RYR2: variants seen among roughly 807,000 people sequenced by gnomAD.
RYR2 encodes the protein ryanodine receptor 2, also known as cardiac muscle ryanodine receptor-calcium release channel.
A neutral mutation model predicts 601.1 loss-of-function variants in RYR2; 227 were observed. The ratio of observed to expected loss-of-function variants is 0.38; its 90% CI spans 0.34 to 0.42. The LOEUF (loss-of-function observed/expected upper bound fraction) is 0.42, where lower values mean the gene tolerates loss of function less well. Ranked by LOEUF, RYR2 falls within the 10% of genes least tolerant of loss-of-function variation. The pLI, the probability that RYR2 is intolerant of heterozygous loss-of-function variation, is 1.00. For synonymous variants in RYR2, 2,223 were observed against 2,175.1 expected (o/e 1.02, Z -0.61); for missense variants, 4,646 against 6,156.5 (o/e 0.75, Z 8.21).
chr1:237,535,470 G>A (rs1668512260), intron 25 of RYR2, among the ~76,000 whole-genome samples: 1 of 132,118 alleles, frequency 7.6e-6, no homozygotes, highest in African/African-American at 2.8e-5. Flanking sequence ...TAAAGGAATT[G>A]AATCAAACAC....
intron 2 of RYR2, among the ~76,000 whole-genome samples, chr1:237,303,805 G>C (rs1029543546): frequency 6.6e-6 from 1 of 152,082 alleles, no homozygotes; most frequent in African/African-American, 2.4e-5. Context: ...AATACATTTG[G>C]AGGATGCTTT....
At chr1:237,720,183 C>A (rs1689604317) in intron 73 of RYR2, among the ~76,000 whole-genome samples, 1 of 152,114 alleles carries the variant, frequency 6.6e-6, no homozygotes, top group South Asian at 2.1e-4. Context: ...AGTATTTTGA[C>A]TCAGCCTGTT....
chr1:237,323,433 T>C (rs138535654), intron 2 of RYR2, among the ~76,000 whole-genome samples: 181 of 152,316 alleles, frequency 1.2e-3, no homozygotes, highest in African/African-American at 4.2e-3. Context: ...GCTGATGTGA[T>C]GTAAGCCAAC....
intron 82 of RYR2, among the ~76,000 whole-genome samples, chr1:237,758,037 T>C (rs185670731): frequency 1.3e-5 from 2 of 152,324 alleles, no homozygotes; most frequent in East Asian, 3.9e-4. Flanking sequence ...TGCTGAGGTA[T>C]GAACCACTCT....
chr1:237,067,671 G>A (rs927657326), intron 1 of RYR2, among the ~76,000 whole-genome samples: 12 of 152,070 alleles, frequency 7.9e-5, no homozygotes, highest in Non-Finnish European at 1.0e-4. Flanking sequence ...CCGGGGTTTC[G>A]ATAAGAATTG....
chr1:237,817,347 A>G lies in RYR2; in HGVS notation c.14434-1689A>G, dbSNP rs563146172. Among the ~76,000 whole-genome samples, 76 of 152,226 alleles carry G rather than the reference A, an allele frequency of 5.0e-4. 1 individual carries two copies. The South Asian group carries it at 0.015, about 31-fold the overall frequency. On this transcript the variant is annotated intron_variant, in intron 100 of 104. Transcript: ENST00000366574. ...CTTGTTGACTGCTCTTTGCCTACAC[A>G]TTGTGCTTTTTAAAGTGTCCTGAGA...
intron 1 of RYR2, among the ~76,000 whole-genome samples, chr1:237,135,376 CTT>C: frequency 7.0e-6 from 1 of 143,716 alleles, no homozygotes. Context: ...TTTTATTTTT[CTT>C]TTTTTTTTTG....
At position 237,634,847 on chromosome 1, in the gene RYR2, A is replaced by C. The variant is rs566297695; in HGVS notation, c.6689-42A>C. 7.5e-6 allele frequency: 11 copies of C among 1,464,664 alleles called. No individual in the cohort carries two copies. In the African/African-American group the frequency reaches 1.5e-4, roughly 20 times the overall value. 90.7% of individuals were successfully genotyped at this position (1,464,664 alleles called of 1,614,324 possible). On this transcript the variant is annotated intron_variant, in intron 43 of 104. Coordinates refer to ENST00000366574, the MANE Select transcript of RYR2 (RefSeq NM_001035.3). ...ATTTTTGTATGGAGTTTATAGTTAC[A>C]GCACGATCCAGGTTATATTTCATCT... is the stretch of plus-strand genomic sequence containing the variant.
intron 2 of RYR2, among the ~76,000 whole-genome samples, chr1:237,271,313 A>G (rs1167858567): frequency 6.6e-6 from 1 of 152,166 alleles, no homozygotes; most frequent in African/African-American, 2.4e-5. Context: ...CGCTCCGAGG[A>G]TATTTATTCT....
chr1:237,081,280 T>TA (rs397815900), intron 1 of RYR2, among the ~76,000 whole-genome samples: 9,368 of 56,414 alleles, frequency 0.17, 322 homozygotes, highest in East Asian at 0.29. Flanking sequence ...TAGAGTATAA[T>TA]AAAAAAAAAA....
chr1:237,682,223 A>G (rs1685948153), intron 62 of RYR2, among the ~76,000 whole-genome samples: 1 of 152,106 alleles, frequency 6.6e-6, no homozygotes, highest in African/African-American at 2.4e-5. Context: ...AATTTCATGG[A>G]ACTATACACC....
chr1:237,104,758 C>T (rs1310837334), intron 1 of RYR2, among the ~76,000 whole-genome samples: 2 of 152,202 alleles, frequency 1.3e-5, no homozygotes, highest in Non-Finnish European at 2.9e-5. Context: ...CGCCTAGACC[C>T]CCATCTCCCT....
At chr1:237,397,286 A>C (rs1305760788) in intron 10 of RYR2, among the ~76,000 whole-genome samples, 1 of 152,130 alleles carries the variant, frequency 6.6e-6, no homozygotes, top group Admixed American at 6.5e-5. Context: ...TTAACAGAGA[A>C]GACAAAAATC....
At chr1:237,299,682 T>C (rs974549647) in intron 2 of RYR2, among the ~76,000 whole-genome samples, 5 of 152,168 alleles carry the variant, frequency 3.3e-5, no homozygotes, top group African/African-American at 1.2e-4. Context: ...TACTTTGACA[T>C]GTTCTGCTAA....
At chr1:237,279,269 A>G (rs1231966700) in intron 2 of RYR2, among the ~76,000 whole-genome samples, 1 of 152,210 alleles carries the variant, frequency 6.6e-6, no homozygotes, top group African/African-American at 2.4e-5. Context: ...CATGTTCATG[A>G]CAGGGTGCAG....
rs1210793710 is a variant in RYR2 at position 237,787,877 on chromosome 1, C to G, written c.13329-111C>G. The G allele has an allele frequency of 3.8e-6, 4 of 1,053,644 alleles. No homozygotes were observed. In the East Asian group the frequency reaches 1.1e-4, roughly 28 times the overall value. 65.3% of individuals were successfully genotyped at this position (1,053,644 alleles called of 1,614,324 possible). ...ATTCACCGGAAAAGAAATTAGTTTT[C>G]AAAAGTAATATGATGGCCTAAAATA... On this transcript the variant is annotated intron_variant, in intron 91 of 104. Transcript: ENST00000366574.
intron 40 of RYR2, among the ~76,000 whole-genome samples, chr1:237,626,999 G>A (rs1414104077): frequency 6.6e-6 from 1 of 152,002 alleles, no homozygotes; most frequent in Non-Finnish European, 1.5e-5. Flanking sequence ...TTTTGTATTT[G>A]GTTAAAAATG....
chr1:237,633,430 G>C, intron 42 of RYR2, 148 bp from the exon 43 acceptor site: 1 of 893,314 alleles, frequency 1.1e-6, no homozygotes, highest in Non-Finnish European at 1.7e-6. Flanking sequence ...GCAAATCGTA[G>C]TCTGCACATT....
intron 8 of RYR2, among the ~76,000 whole-genome samples, chr1:237,380,906 C>T (rs1057462060): frequency 4.6e-4 from 70 of 151,902 alleles, no homozygotes; most frequent in African/African-American, 1.5e-3. Flanking sequence ...GGTGAAGCCC[C>T]GTCTCTACTA....
Sources: allele counts gnomAD v4.1 joint callset (sites outside exome capture counted in the v4.1 genomes callset), GRCh38; gene constraint gnomAD v4.1.1; transcripts MANE v1.5; gene names NCBI Gene and HGNC (gene_info 2026-07-23, HGNC 2026-07-21).